The following DPYD variants were observed in gnomAD, a reference collection of about 807,000 sequenced individuals.
The protein encoded by DPYD is dihydropyrimidine dehydrogenase [NADP(+)].
Under a neutral mutation model 116.2 loss-of-function variants are expected in DPYD, and 109 were observed. That is an observed-to-expected ratio of 0.94 (90% CI 0.80 to 1.10). The LOEUF (loss-of-function observed/expected upper bound fraction) is 1.10. Among genes scored for constraint, DPYD ranks in the 50% least tolerant of loss-of-function variants. The pLI is 0.00. For synonymous variants in DPYD, 440 were observed against 432.0 expected (o/e 1.02, Z -0.23); for missense variants, 1,302 against 1,254.5 (o/e 1.04, Z -0.57).
chr1:97,423,069 G>T (rs924693299), intron 14 of DPYD, among the ~76,000 whole-genome samples: 4 of 151,914 alleles, frequency 2.6e-5, no homozygotes, highest in African/African-American at 9.7e-5. Context: ...AGCCAGTATT[G>T]CTGGATGTTA....
chr1:97,575,996 C>G (rs1653237267), intron 10 of DPYD, among the ~76,000 whole-genome samples: 1 of 152,012 alleles, frequency 6.6e-6, no homozygotes, highest in Non-Finnish European at 1.5e-5. Context: ...GGCCCAATAA[C>G]AAAGGTTAGT....
chr1:97,853,337 C>T (rs1338656704), intron 2 of DPYD, among the ~76,000 whole-genome samples: 1 of 152,194 alleles, frequency 6.6e-6, no homozygotes, highest in Non-Finnish European at 1.5e-5. Context: ...CAGTCTTAAG[C>T]ATATCTTCAT....
At chr1:97,391,673 C>T (rs1197894673) in intron 14 of DPYD, among the ~76,000 whole-genome samples, 1 of 151,968 alleles carries the variant, frequency 6.6e-6, no homozygotes, top group Non-Finnish European at 1.5e-5. Context: ...CCCTGGATTA[C>T]TGCAGAAGAT....
At chr1:97,238,645 G>A (rs183667425) in intron 18 of DPYD, among the ~76,000 whole-genome samples, 9 of 152,128 alleles carry the variant, frequency 5.9e-5, no homozygotes, top group East Asian at 5.8e-4. Context: ...TACAATTATC[G>A]AGATAAAGGT....
Position 97,740,496 on chromosome 1 carries a change from C to T in DPYD, c.234-17G>A. ...TTCAGGCATCTAGGAAATAAAATAA[C>T]TATGTTAAGAAACTACAAGATAAGT... On this transcript the variant is annotated splice_polypyrimidine_tract_variant and intron_variant, in intron 3 of 22. Coordinates refer to ENST00000370192, the MANE Select transcript of DPYD (RefSeq NM_000110.4). 2 of 1,602,184 alleles carry T rather than the reference C, an allele frequency of 1.2e-6. No homozygotes were observed. The highest frequency in any genetic ancestry group is 1.7e-6 in the Non-Finnish European group (2 of 1,170,440).
At chr1:97,167,833 AG>A (rs1168772449) in intron 20 of DPYD, among the ~76,000 whole-genome samples, 1 of 152,180 alleles carries the variant, frequency 6.6e-6, no homozygotes, top group Non-Finnish European at 1.5e-5. Flanking sequence ...ATTATAGCCT[AG>A]AAAGAGTAAA....
chr1:97,396,752 G>A lies in DPYD; in HGVS notation c.1906-14291C>T, dbSNP rs565703897. Among the ~76,000 whole-genome samples, 10 of 152,020 alleles carry A rather than the reference G, an allele frequency of 6.6e-5. No homozygotes were observed. In the South Asian group the frequency reaches 1.9e-3, roughly 28 times the overall value. ...CCGCATGCCACATGTACTTTTAGATGTCCATTCTTTTCCTCATATTGGTCC... is the reference window on the plus strand; with the variant it reads ...CCGCATGCCACATGTACTTTTAGATATCCATTCTTTTCCTCATATTGGTCC... On this transcript the variant is annotated intron_variant, in intron 14 of 22. Coordinates refer to ENST00000370192, the MANE Select transcript of DPYD (RefSeq NM_000110.4).
intron 20 of DPYD, among the ~76,000 whole-genome samples, chr1:97,147,885 A>G (rs576489260): frequency 1.3e-5 from 2 of 152,302 alleles, no homozygotes; most frequent in African/African-American, 4.8e-5. Context: ...GGTTTATACA[A>G]CTTGGTATAG....
intron 20 of DPYD, among the ~76,000 whole-genome samples, chr1:97,125,269 A>G (rs1317571503): frequency 2.0e-5 from 3 of 152,084 alleles, no homozygotes; most frequent in Non-Finnish European, 2.9e-5. Context: ...CATGTCTCCT[A>G]TTTATGTGGA....
intron 13 of DPYD, among the ~76,000 whole-genome samples, chr1:97,504,731 T>A (rs2101941693): frequency 6.6e-6 from 1 of 152,166 alleles, no homozygotes; most frequent in Non-Finnish European, 1.5e-5. Flanking sequence ...GGTAATAATA[T>A]TTATCAATTT....
At chr1:97,173,265 T>G (rs1230126908) in intron 20 of DPYD, among the ~76,000 whole-genome samples, 2 of 148,288 alleles carry the variant, frequency 1.3e-5, no homozygotes, top group Admixed American at 1.3e-4. Flanking sequence ...TGCACACATA[T>G]GTACATATAT....
At chr1:97,918,566 C>T (rs72734093) in intron 1 of DPYD, among the ~76,000 whole-genome samples, 2,975 of 152,256 alleles carry the variant, frequency 0.02, 51 homozygotes, top group Non-Finnish European at 0.032. Flanking sequence ...ATGTTCCTAA[C>T]CGTCAAATCC....
intron 13 of DPYD, among the ~76,000 whole-genome samples, chr1:97,496,792 A>T (rs1679288984): frequency 1.3e-5 from 2 of 151,788 alleles, no homozygotes; most frequent in East Asian, 3.9e-4. Context: ...ATGTTTTCTC[A>T]CGCACATCAC....
chr1:97,881,066 C>T (rs372841830), intron 2 of DPYD, among the ~76,000 whole-genome samples: 1 of 151,912 alleles, frequency 6.6e-6, no homozygotes, highest in Non-Finnish European at 1.5e-5. Flanking sequence ...AAATAAATTA[C>T]TGGTGCAAGT....
intron 14 of DPYD, among the ~76,000 whole-genome samples, chr1:97,423,404 T>A (rs956273853): frequency 1.3e-5 from 2 of 152,054 alleles, no homozygotes; most frequent in African/African-American, 4.8e-5. Flanking sequence ...AAGCAGCAAC[T>A]TCCTTTGTTC....
At chr1:97,756,277 T>C (rs1435324901) in intron 3 of DPYD, among the ~76,000 whole-genome samples, 2 of 152,150 alleles carry the variant, frequency 1.3e-5, no homozygotes, top group African/African-American at 2.4e-5. Flanking sequence ...CTGATCTCCA[T>C]AGATACCCCA....
At chr1:97,622,947 T>G (rs1274483755) in intron 8 of DPYD, among the ~76,000 whole-genome samples, 1 of 151,952 alleles carries the variant, frequency 6.6e-6, no homozygotes, top group Non-Finnish European at 1.5e-5. Flanking sequence ...GAGCTAAGAT[T>G]TGCATATGTG....
At chr1:97,394,009 T>C (rs1297018566) in intron 14 of DPYD, 3 of 152,310 alleles carry the variant, frequency 2.0e-5, no homozygotes, top group South Asian at 2.1e-4. Flanking sequence ...TGGTATCTCA[T>C]TGTGGTTTTG....
At chr1:97,082,609 A>AGAT (rs1191420065) in intron 21 of DPYD, 139 bp from the exon 22 acceptor site, 4 of 1,012,480 alleles carry the variant, frequency 4.0e-6, no homozygotes, top group Non-Finnish European at 6.0e-6. Context: ...TAATTCTCAT[A>AGAT]GATAAGCTTT....
Sources: allele counts gnomAD v4.1 joint callset (sites outside exome capture counted in the v4.1 genomes callset), GRCh38; gene constraint gnomAD v4.1.1; transcripts MANE v1.5; gene names NCBI Gene and HGNC (gene_info 2026-07-23, HGNC 2026-07-21).